The following FBXW4 variants were observed in gnomAD, a reference collection of about 807,000 sequenced individuals.
FBXW4 encodes F-box and WD repeat domain containing 4.
A neutral mutation model predicts 61.8 loss-of-function variants in FBXW4; 40 were observed. The ratio of observed to expected loss-of-function variants is 0.65; its 90% CI spans 0.50 to 0.84. The LOEUF (loss-of-function observed/expected upper bound fraction) is 0.84, where lower values mean the gene tolerates loss of function less well. Ranked by LOEUF, FBXW4 falls within the 40% of genes least tolerant of loss-of-function variation. FBXW4 has a pLI of 0.00. For missense variants in FBXW4, 672 were observed against 753.8 expected (o/e 0.89, Z 1.27); for synonymous variants, 311 against 313.8 (o/e 0.99, Z 0.10).
intron 6 of FBXW4, among the ~76,000 whole-genome samples, chr10:101,623,409 T>G (rs2063883584): frequency 6.6e-6 from 1 of 151,866 alleles, no homozygotes; most frequent in Admixed American, 6.6e-5. Context: ...AATATAGATT[T>G]TAAAAAAGAA....
chr10:101,692,256 A>G lies in FBXW4; in HGVS notation c.725+2125T>C, dbSNP rs185254951. 3.2e-3 allele frequency among the ~76,000 whole-genome samples: 490 copies of G among 151,746 alleles called. 5 individuals are homozygous for G. The highest frequency in any genetic ancestry group is 0.011 in the African/African-American group (475 of 41,470). ...CAGTGACACACAATGAAGAGTTCAG[A>G]TATAGATCCAATATACACACATATA... On this transcript the variant is annotated intron_variant, in intron 1 of 8. Coordinates refer to ENST00000331272, the MANE Select transcript of FBXW4 (RefSeq NM_022039.4).
At chr10:101,652,457 A>T (rs1453261514) in intron 5 of FBXW4, among the ~76,000 whole-genome samples, 1 of 151,976 alleles carries the variant, frequency 6.6e-6, no homozygotes, top group Non-Finnish European at 1.5e-5. Context: ...TCAGTTGCTG[A>T]CCCTCCAAAT....
At chr10:101,647,591 G>T (rs1319568272) in intron 5 of FBXW4, among the ~76,000 whole-genome samples, 1 of 152,124 alleles carries the variant, frequency 6.6e-6, no homozygotes, top group East Asian at 1.9e-4. Context: ...AAACCATGAA[G>T]ATTTTTCTCT....
intron 5 of FBXW4, among the ~76,000 whole-genome samples, chr10:101,649,286 G>C (rs750843834): frequency 4.0e-5 from 6 of 151,706 alleles, no homozygotes; most frequent in African/African-American, 7.3e-5. Flanking sequence ...CTCCCAGCCA[G>C]GCCTTGGCAG....
intron 5 of FBXW4, among the ~76,000 whole-genome samples, chr10:101,634,348 T>C (rs1183776705): frequency 2.3e-5 from 3 of 133,076 alleles, no homozygotes; most frequent in African/African-American, 8.9e-5. Flanking sequence ...ATTATAAAAC[T>C]GTCAGTTCTC....
At chr10:101,652,541 A>T (rs1006662657) in intron 5 of FBXW4, among the ~76,000 whole-genome samples, 8 of 152,198 alleles carry the variant, frequency 5.3e-5, no homozygotes, top group South Asian at 2.1e-4. Context: ...AAGAAGAAAA[A>T]AATAATAATA....
In FBXW4 at chr10:101,611,450, G is replaced by A. The variant is rs747719817; in HGVS notation, c.1585-40C>T. The A allele has an allele frequency of 3.7e-6, 6 of 1,602,984 alleles. No homozygotes were observed. The African/African-American group carries it at 4.0e-5, about 11-fold the overall frequency. Reference sequence around the variant, plus strand: ...ACAGGAAGTGGTAAGAGCTTTCCAAGTGGGACATGGGTGTGCCCTAACCCA... The same window carrying A: ...ACAGGAAGTGGTAAGAGCTTTCCAAATGGGACATGGGTGTGCCCTAACCCA... On this transcript the variant is annotated intron_variant, in intron 8 of 8. Transcript: ENST00000331272. This position sits in a 1 kb window ranked among gnomAD's most constrained non-coding sequence, Gnocchi z 4.9.
At chr10:101,640,833 C>T (rs1466766301) in intron 5 of FBXW4, among the ~76,000 whole-genome samples, 1 of 149,136 alleles carries the variant, frequency 6.7e-6, no homozygotes, top group African/African-American at 2.5e-5. Flanking sequence ...TTCCTTCCCC[C>T]ACCCCCGCCT....
intron 5 of FBXW4, among the ~76,000 whole-genome samples, chr10:101,644,665 A>T (rs565040201): frequency 5.6e-4 from 86 of 152,316 alleles, no homozygotes; most frequent in Middle Eastern, 3.4e-3. Flanking sequence ...AGATTCTCCC[A>T]GAAATGCCAC....
Position 101,679,293 on chromosome 10 carries a change from A to T in FBXW4, c.726-2857T>A, listed in dbSNP as rs1312171266. Reference sequence around the variant, plus strand: ...TTGTAATTTATTTAACCAACATTTAATGTGGTGCTCACAATATGCCAGGCA... The same window carrying T: ...TTGTAATTTATTTAACCAACATTTATTGTGGTGCTCACAATATGCCAGGCA... On this transcript the variant is annotated intron_variant, in intron 1 of 8. Coordinates refer to ENST00000331272, the MANE Select transcript of FBXW4 (RefSeq NM_022039.4). 4.6e-5 allele frequency among the ~76,000 whole-genome samples: 7 copies of T among 152,234 alleles called. No individual in the cohort carries two copies. The South Asian group carries it at 8.3e-4, about 18-fold the overall frequency.
intron 5 of FBXW4, chr10:101,625,217 GA>G: frequency 4.7e-6 from 1 of 211,750 alleles, no homozygotes; most frequent in Non-Finnish European, 9.7e-6. Flanking sequence ...GCTGGGGCTG[GA>G]AGGTGCTGCC....
In FBXW4 at chr10:101,611,869, C is replaced by T; in HGVS notation, c.1443-100G>A. ...GTGGCTGAGGGGAGCGTTAAGGAGC[C>T]ATTCCGGGATGGAAGAGAAAGAAGC... On this transcript the variant is annotated intron_variant, in intron 7 of 8. Coordinates refer to ENST00000331272, the MANE Select transcript of FBXW4 (RefSeq NM_022039.4). The surrounding 1 kb of genome is among the most constrained non-coding windows in gnomAD (Gnocchi z 4.9). The T allele has an allele frequency of 7.3e-7, 1 of 1,367,284 alleles. No individual in the cohort carries two copies. Among genetic ancestry groups the T allele is most frequent in the African/African-American group, 1.5e-5 (1 of 68,904 alleles). The allele number at this position is 1,367,284 out of a possible 1,614,324, so 84.7% of individuals were successfully genotyped here.
At chr10:101,688,958 T>G (rs1159017545) in intron 1 of FBXW4, among the ~76,000 whole-genome samples, 4 of 152,192 alleles carry the variant, frequency 2.6e-5, no homozygotes, top group Non-Finnish European at 5.9e-5. Context: ...ACTAATCCAG[T>G]GCCAGGGTCA....
At chr10:101,667,239 A>T (rs1222915890) in intron 5 of FBXW4, among the ~76,000 whole-genome samples, 1 of 151,462 alleles carries the variant, frequency 6.6e-6, no homozygotes, top group Non-Finnish European at 1.5e-5. Flanking sequence ...TCAAAAAAAA[A>T]AAAAAACCAA....
chr10:101,692,121 A>G (rs2064610787), intron 1 of FBXW4, among the ~76,000 whole-genome samples: 1 of 152,124 alleles, frequency 6.6e-6, no homozygotes, highest in Middle Eastern at 3.2e-3. Flanking sequence ...ACAGAAGTGT[A>G]GAAGTGACAC....
At chr10:101,677,984 A>G (rs1554933872) in intron 1 of FBXW4, among the ~76,000 whole-genome samples, 1 of 152,246 alleles carries the variant, frequency 6.6e-6, no homozygotes, top group Non-Finnish European at 1.5e-5. Context: ...TTTAAAATGC[A>G]TGATAAAGCA....
chr10:101,616,760 G>C (rs977277887), intron 6 of FBXW4, among the ~76,000 whole-genome samples: 1 of 152,274 alleles, frequency 6.6e-6, no homozygotes, highest in Non-Finnish European at 1.5e-5. Context: ...GTGGGCCTTA[G>C]GGTGCACATC....
intron 4 of FBXW4, among the ~76,000 whole-genome samples, chr10:101,671,876 T>G (rs764413511): frequency 6.6e-6 from 1 of 152,162 alleles, no homozygotes; most frequent in Non-Finnish European, 1.5e-5. Context: ...TGTGCTGGTG[T>G]GAGTACAAAG....
chr10:101,657,714 G>C (rs1053528904), intron 5 of FBXW4, among the ~76,000 whole-genome samples: 1 of 150,678 alleles, frequency 6.6e-6, no homozygotes, highest in African/African-American at 2.4e-5. Flanking sequence ...CTGCTAGAGA[G>C]GCACAGGGAT....
Sources: allele counts gnomAD v4.1 joint callset (sites outside exome capture counted in the v4.1 genomes callset), GRCh38; gene constraint gnomAD v4.1.1; non-coding constraint Gnocchi (gnomAD v3.1); transcripts MANE v1.5; gene names NCBI Gene and HGNC (gene_info 2026-07-23, HGNC 2026-07-21).